WDFY2: variants seen among roughly 807,000 people sequenced by gnomAD.
WDFY2 encodes WD repeat and FYVE domain-containing protein 2.
A neutral mutation model predicts 56.4 loss-of-function variants in WDFY2; 36 were observed. That is an observed-to-expected ratio of 0.64 (90% CI 0.49 to 0.84). The LOEUF (loss-of-function observed/expected upper bound fraction) is 0.84, where lower values mean the gene tolerates loss of function less well. Among genes scored for constraint, WDFY2 ranks in the 40% least tolerant of loss-of-function variants. The probability of loss-of-function intolerance (pLI) is 0.00; values close to 1 mark genes in which losing one functional copy is unlikely to be tolerated. For synonymous variants in WDFY2, 176 were observed against 183.7 expected, an observed-to-expected ratio of 0.96 and a Z score of 0.34; for missense variants, 444 against 512.2, an observed-to-expected ratio of 0.87 and a Z score of 1.29.
intron 5 of WDFY2, among the ~76,000 whole-genome samples, chr13:51,719,795 T>C (rs1477808864): frequency 2.0e-5 from 3 of 152,178 alleles, no homozygotes; most frequent in Admixed American, 6.5e-5. Flanking sequence ...TAAATAGTTA[T>C]TGAGAGGTTA....
At chr13:51,755,511 C>T (rs1450189783) in intron 9 of WDFY2, 52 bp downstream of exon 9, 10 of 1,557,442 alleles carry the variant, frequency 6.4e-6, no homozygotes, top group East Asian at 2.2e-5. Context: ...AATAGCTCAA[C>T]CATGTGATCT....
intron 1 of WDFY2, among the ~76,000 whole-genome samples, chr13:51,648,985 A>G (rs1484221521): frequency 1.3e-5 from 2 of 152,132 alleles, no homozygotes; most frequent in Non-Finnish European, 2.9e-5. Context: ...CGTCTCTACT[A>G]AAAATACAAA....
chr13:51,586,751 C>T (rs1418763199), intron 1 of WDFY2: 2 of 152,110 alleles, frequency 1.3e-5, no homozygotes, highest in African/African-American at 2.4e-5. Context: ...TTTTCACTTT[C>T]CTAGTGTACA....
chr13:51,587,490 G>A (rs1953966531), intron 1 of WDFY2: 1 of 152,172 alleles, frequency 6.6e-6, no homozygotes, highest in Non-Finnish European at 1.5e-5. Context: ...TGAATTATAT[G>A]ATGACCTATG....
At chr13:51,642,744 A>G (rs542099514) in intron 1 of WDFY2, among the ~76,000 whole-genome samples, 2 of 138,786 alleles carry the variant, frequency 1.4e-5, no homozygotes, top group Admixed American at 7.9e-5. Context: ...GCAGTGGTGC[A>G]ATCTCACCTC....
At chr13:51,673,445 T>C (rs183193600) in intron 2 of WDFY2, among the ~76,000 whole-genome samples, 229 of 152,312 alleles carry the variant, frequency 1.5e-3, no homozygotes, top group African/African-American at 5.0e-3. Flanking sequence ...TTGTGACATA[T>C]TTAAAATTCA....
chr13:51,734,168 AC>A (rs1555264361), intron 6 of WDFY2, among the ~76,000 whole-genome samples: 1 of 152,118 alleles, frequency 6.6e-6, no homozygotes, highest in Non-Finnish European at 1.5e-5. Context: ...GCAGTTTCCA[AC>A]CCTGATTTTG....
At chr13:51,672,050 C>G (rs924837753) in intron 2 of WDFY2, among the ~76,000 whole-genome samples, 1 of 152,172 alleles carries the variant, frequency 6.6e-6, no homozygotes, top group Non-Finnish European at 1.5e-5. Flanking sequence ...TCCCAAAGTG[C>G]TGGGATTACA....
At chr13:51,619,592 G>A (rs1049919451) in intron 1 of WDFY2, among the ~76,000 whole-genome samples, 10 of 152,128 alleles carry the variant, frequency 6.6e-5, no homozygotes, top group African/African-American at 2.2e-4. Context: ...ATAAGGGTCA[G>A]AACAAACAAT....
At chr13:51,676,977 A>G (rs901534501) in intron 3 of WDFY2, among the ~76,000 whole-genome samples, 7 of 152,242 alleles carry the variant, frequency 4.6e-5, no homozygotes, top group South Asian at 2.1e-4. Context: ...TTTACATAAC[A>G]TAGGAGTGGT....
At chr13:51,629,576 A>G (rs1954910574) in intron 1 of WDFY2, among the ~76,000 whole-genome samples, 1 of 152,196 alleles carries the variant, frequency 6.6e-6, no homozygotes, top group African/African-American at 2.4e-5. Context: ...ACTGTTCTGT[A>G]CAAGCATTGC....
chr13:51,624,826 G>T (rs934374898), intron 1 of WDFY2, among the ~76,000 whole-genome samples: 3 of 152,232 alleles, frequency 2.0e-5, no homozygotes, highest in Non-Finnish European at 4.4e-5. Context: ...CTTCTTGGCT[G>T]AGGGAACAGC....
rs146640987 is a variant in WDFY2 at position 51,596,100 on chromosome 13, G to A, written c.137+11276G>A. 7.4e-3 allele frequency among the ~76,000 whole-genome samples: 1,128 copies of A among 152,280 alleles called. 13 individuals are homozygous for A. Among genetic ancestry groups the A allele is most frequent in the African/African-American group, 0.026 (1,068 of 41,540 alleles). Reference sequence around the variant, plus strand: ...ATCTCAGTAACCTGTTTTAGTGTTCGTTGGGGGAGAAGGAGTGTTGGAATG... The same window carrying A: ...ATCTCAGTAACCTGTTTTAGTGTTCATTGGGGGAGAAGGAGTGTTGGAATG... On this transcript the variant is annotated intron_variant, in intron 1 of 11. Coordinates refer to ENST00000298125, the MANE Select transcript of WDFY2 (RefSeq NM_052950.4).
Position 51,584,586 on chromosome 13 carries a change from G to A in WDFY2, c.-102G>A, listed in dbSNP as rs1462059826. Reference sequence around the variant, plus strand: ...GGTTTCCGGCGTTCCGCTCCGGCCAGCCAGAGTCTCTGTCTCAACCTGTGT... The same window carrying A: ...GGTTTCCGGCGTTCCGCTCCGGCCAACCAGAGTCTCTGTCTCAACCTGTGT... On this transcript the variant is annotated 5_prime_UTR_variant, in exon 1 of 12. Transcript: ENST00000298125. 5.6e-6 allele frequency: 8 copies of A among 1,422,442 alleles called. No homozygotes were observed. The highest frequency in any genetic ancestry group is 7.4e-6 in the Non-Finnish European group (8 of 1,081,550). The allele number at this position is 1,422,442 out of a possible 1,614,324, so 88.1% of individuals were successfully genotyped here.
chr13:51,746,210 A>G (rs913192500), intron 7 of WDFY2, among the ~76,000 whole-genome samples: 1 of 152,038 alleles, frequency 6.6e-6, no homozygotes, highest in Non-Finnish European at 1.5e-5. Flanking sequence ...TTGAACTCCC[A>G]AAGTGCTGAG....
At chr13:51,635,723 G>A (rs1216408986) in intron 1 of WDFY2, among the ~76,000 whole-genome samples, 1 of 152,200 alleles carries the variant, frequency 6.6e-6, no homozygotes, top group South Asian at 2.1e-4. Context: ...TAAAGGGGAA[G>A]TGAAAACAGG....
intron 2 of WDFY2, among the ~76,000 whole-genome samples, chr13:51,673,192 G>A (rs929861618): frequency 3.9e-5 from 6 of 152,200 alleles, no homozygotes; most frequent in African/African-American, 1.4e-4. Flanking sequence ...TAAGGGAATG[G>A]CAATGAAGAT....
At chr13:51,629,692 G>A (rs1046692923) in intron 1 of WDFY2, among the ~76,000 whole-genome samples, 3 of 152,084 alleles carry the variant, frequency 2.0e-5, no homozygotes, top group African/African-American at 4.8e-5. Context: ...AAATCAAGTT[G>A]AAATAATTCT....
At chr13:51,602,008 G>C (rs1954293943) in intron 1 of WDFY2, among the ~76,000 whole-genome samples, 1 of 152,170 alleles carries the variant, frequency 6.6e-6, no homozygotes, top group African/African-American at 2.4e-5. Flanking sequence ...TACTTGCTGT[G>C]AGTATTGGCA....
Sources: allele counts gnomAD v4.1 joint callset (sites outside exome capture counted in the v4.1 genomes callset), GRCh38; gene constraint gnomAD v4.1.1; transcripts MANE v1.5; gene names NCBI Gene and HGNC (gene_info 2026-07-23, HGNC 2026-07-21).